The following UNC79 variants were observed in gnomAD, a reference collection of about 807,000 sequenced individuals.
The protein encoded by UNC79 is protein unc-79 homolog.
A neutral mutation model predicts 283.1 loss-of-function variants in UNC79; 37 were observed. That is an observed-to-expected ratio of 0.13 (90% confidence interval 0.10 to 0.17). UNC79 has a LOEUF of 0.17. UNC79 is among the 10% of genes least tolerant of loss of function. The pLI is 1.00. For missense variants in UNC79, 2,272 were observed against 3,211.1 expected (o/e 0.71, Z 7.07); for synonymous variants, 1,107 against 1,200.2 (o/e 0.92, Z 1.61).
chr14:93,476,104 C>T (rs1313406004), intron 3 of UNC79, among the ~76,000 whole-genome samples: 1 of 152,144 alleles, frequency 6.6e-6, no homozygotes, highest in Non-Finnish European at 1.5e-5. Flanking sequence ...CTAAGAATCA[C>T]TGAGAGGTGG....
Position 93,568,538 on chromosome 14 carries a change from G to T in UNC79, c.1756-3356G>T, listed in dbSNP as rs533354574. 3.3e-5 allele frequency among the ~76,000 whole-genome samples: 5 copies of T among 152,178 alleles called. No individual in the cohort carries two copies. In the South Asian group the frequency reaches 1.0e-3, roughly 32 times the overall value. ...AAAATACAAAAATTAGCTGGGTGTG[G>T]TGGCGGGTGGCTGTAATCCCAGCTT... On this transcript the variant is annotated intron_variant, in intron 14 of 48. Coordinates refer to ENST00000555664, the Ensembl canonical transcript of UNC79.
intron 30 of UNC79, 90 bp downstream of exon 32, chr14:93,622,931 T>C (rs2067245463): frequency 6.7e-7 from 1 of 1,486,728 alleles, no homozygotes; most frequent in Non-Finnish European, 9.0e-7. Context: ...TGCATCAGAC[T>C]CAAACTCTTA....
rs149323562 is a variant in UNC79 at position 93,594,987 on chromosome 14, G to GTA, written c.3190+1160_3190+1161dup. ...CCACAGGAATCTCAGGGGCTAGTTA[G>GTA]TATATATATATGACAGCACATCATG... On this transcript the variant is annotated intron_variant, in intron 23 of 48. Coordinates refer to ENST00000555664, the Ensembl canonical transcript of UNC79. 3.6e-3 allele frequency among the ~76,000 whole-genome samples: 546 copies of GTA among 151,602 alleles called. 14 individuals are homozygous for GTA. In the South Asian group the frequency reaches 0.064, roughly 18 times the overall value.
At chr14:93,422,876 C>T (rs562458289) in intron 1 of UNC79, among the ~76,000 whole-genome samples, 46 of 151,538 alleles carry the variant, frequency 3.0e-4, no homozygotes, top group Middle Eastern at 3.4e-3. Context: ...CTGGCTAACA[C>T]GGTGAAACCC....
At chr14:93,514,015 A>C (rs2059947617) in intron 7 of UNC79, among the ~76,000 whole-genome samples, 1 of 152,246 alleles carries the variant, frequency 6.6e-6, no homozygotes, top group African/African-American at 2.4e-5. Flanking sequence ...TCAATGCTAT[A>C]GTCTTCTACT....
chr14:93,395,893 C>T (rs1410453533), intron 1 of UNC79, among the ~76,000 whole-genome samples: 1 of 151,822 alleles, frequency 6.6e-6, no homozygotes, highest in East Asian at 1.9e-4. Flanking sequence ...ATTTATTCTA[C>T]TTGGAGTTTG....
chr14:93,634,947 C>T (rs908442119), intron 31 of UNC79, among the ~76,000 whole-genome samples: 11 of 152,108 alleles, frequency 7.2e-5, no homozygotes, highest in Non-Finnish European at 1.6e-4. Context: ...AAAGAAAACA[C>T]ACAGCAGATT....
At chr14:93,551,292 G>T (rs1281086500) in intron 14 of UNC79, among the ~76,000 whole-genome samples, 1 of 152,142 alleles carries the variant, frequency 6.6e-6, no homozygotes, top group Non-Finnish European at 1.5e-5. Context: ...CTCATGATCT[G>T]CCCGCCTCGG....
intron 1 of UNC79, among the ~76,000 whole-genome samples, chr14:93,436,797 A>G (rs1240980301): frequency 6.6e-6 from 1 of 152,158 alleles, no homozygotes; most frequent in Non-Finnish European, 1.5e-5. Context: ...TAATGTGAAA[A>G]GCTCAACAAT....
Position 93,343,326 on chromosome 14 carries a change from GTCT to G in UNC79, c.-351+9808_-351+9810del, listed in dbSNP as rs1303402237. ...GAAGGCAAAGGGGAGCAAGGGGCAT[GTCT>G]TCTTATATCATCTTCTATTACTGTT... is the stretch of plus-strand genomic sequence containing the variant. On this transcript the variant is annotated intron_variant, in intron 1 of 49. Transcript: ENST00000256339. Among the ~76,000 whole-genome samples the G allele has an allele frequency of 3.3e-5, 5 of 152,358 alleles. No individual in the cohort carries two copies. The East Asian group carries it at 9.6e-4, about 29-fold the overall frequency.
At chr14:93,433,766 G>A (rs181644641) in intron 1 of UNC79, among the ~76,000 whole-genome samples, 6 of 152,276 alleles carry the variant, frequency 3.9e-5, no homozygotes, top group African/African-American at 1.2e-4. Context: ...AGTAGACATA[G>A]TTTTGTTGGA....
At chr14:93,390,851 G>A (rs2054868906) in intron 1 of UNC79, among the ~76,000 whole-genome samples, 1 of 152,126 alleles carries the variant, frequency 6.6e-6, no homozygotes, top group Admixed American at 6.5e-5. Context: ...ACTTAATGTT[G>A]TAAAGATATC....
At chr14:93,689,092 T>G (rs1260545814) in intron 44 of UNC79, 12 of 468,432 alleles carry the variant, frequency 2.6e-5, no homozygotes, top group Non-Finnish European at 7.4e-6. Flanking sequence ...AATGAAAATT[T>G]TGAGCTTAGA....
At chr14:93,673,212 C>A in intron 40 of UNC79, 139 bp from the exon 44 acceptor site, 1 of 672,794 alleles carries the variant, frequency 1.5e-6, no homozygotes, top group Admixed American at 3.3e-5. Context: ...AATTTTATTT[C>A]TTGAGGACAC....
chr14:93,357,875 A>ATATG (rs1491550710), intron 1 of UNC79, among the ~76,000 whole-genome samples: 1,259 of 30,216 alleles, frequency 0.042, 1 homozygote, highest in Middle Eastern at 0.077. Context: ...GGATATATGG[A>ATATG]TATATATATG....
rs150684526 is a variant in UNC79, at chr14:93,572,032, A to G, written c.1894A>G (p.Ile632Val). 57 of 1,614,092 alleles carry G rather than the reference A, an allele frequency of 3.5e-5. No individual in the cohort carries two copies. Among genetic ancestry groups the G allele is most frequent in the Non-Finnish European group, 4.5e-5 (53 of 1,180,030 alleles). ...TATTATGCCGGAATGGCTGGAAGCC[A>G]TCAGAACAGAAGTCCCAGATAATCA... The change falls in exon 15 of 49, where the codon ATC (isoleucine) becomes GTC (valine). Residue 632 changes from isoleucine (I) to valine (V), a missense_variant. Transcript: ENST00000555664.
At chr14:93,568,205 G>A (rs1296381337) in intron 14 of UNC79, among the ~76,000 whole-genome samples, 1 of 152,088 alleles carries the variant, frequency 6.6e-6, no homozygotes, top group African/African-American at 2.4e-5. Flanking sequence ...ACTATTAATG[G>A]GTATGGTGTC....
chr14:93,385,772 G>C (rs2054760302), intron 1 of UNC79, among the ~76,000 whole-genome samples: 1 of 141,738 alleles, frequency 7.1e-6, no homozygotes, highest in Non-Finnish European at 1.5e-5. Flanking sequence ...GAGCAAGACT[G>C]TCCCCAAAAA....
At chr14:93,352,835 G>A (rs546302146) in intron 1 of UNC79, among the ~76,000 whole-genome samples, 1 of 152,278 alleles carries the variant, frequency 6.6e-6, no homozygotes, top group South Asian at 2.1e-4. Flanking sequence ...TGAAAGTATT[G>A]TAAGTACTGT....
Sources: allele counts gnomAD v4.1 joint callset (sites outside exome capture counted in the v4.1 genomes callset), GRCh38; gene constraint gnomAD v4.1.1; transcripts MANE v1.5; gene names NCBI Gene and HGNC (gene_info 2026-07-23, HGNC 2026-07-21).